Variants in WDR4 observed in about 807,000 individuals in gnomAD.
WDR4 encodes the protein WDR4 tRNA N7-guanosine methyltransferase non-catalytic subunit.
In WDR4, 47 loss-of-function variants were observed where a neutral mutation model predicts 48.6. The ratio of observed to expected loss-of-function variants is 0.97; its 90% CI spans 0.77 to 1.23. WDR4 has a LOEUF of 1.23. Ranked by LOEUF, WDR4 falls within the 50% of genes most tolerant of loss-of-function variation. WDR4 has a pLI of 0.00. For synonymous variants in WDR4, 268 were observed against 230.0 expected (o/e 1.17, Z -1.49); for missense variants, 606 against 551.6 (o/e 1.10, Z -0.99).
intron 6 of WDR4, 81 bp downstream of exon 6, chr21:42,859,581 G>T: frequency 7.2e-7 from 1 of 1,379,536 alleles, no homozygotes; most frequent in Non-Finnish European, 1.0e-6. Flanking sequence ...ATCCACAGGG[G>T]CCAGGTCCAG....
At chr21:42,892,036 G>A in the WDR4 span, among the ~76,000 whole-genome samples, 1 of 151,132 alleles carries the variant, frequency 6.6e-6, no homozygotes, top group African/African-American at 2.4e-5. Context: ...GGTGGATCAC[G>A]AGGTCAGGAG....
At chr21:42,843,153 A>C (rs1159579917) in exon 12 of WDR4, 1 of 152,228 alleles carries the variant, frequency 6.6e-6, no homozygotes, top group African/African-American at 2.4e-5. Context: ...CCATAAGCAG[A>C]GGACAAATCA....
chr21:42,878,631 G>A (rs1245139382), intron 1 of WDR4, among the ~76,000 whole-genome samples: 1 of 152,208 alleles, frequency 6.6e-6, no homozygotes, highest in African/African-American at 2.4e-5. Flanking sequence ...ACGAGGGGCT[G>A]AAACTGACAG....
At chr21:42,878,447 T>C (rs1423356157) in intron 1 of WDR4, among the ~76,000 whole-genome samples, 1 of 152,112 alleles carries the variant, frequency 6.6e-6, no homozygotes, top group African/African-American at 2.4e-5. Flanking sequence ...AGACCGTGAG[T>C]CTCTAAAACA....
intron 3 of WDR4, among the ~76,000 whole-genome samples, chr21:42,869,010 G>C (rs185313839): frequency 3.3e-5 from 5 of 151,404 alleles, no homozygotes; most frequent in Admixed American, 2.6e-4. Context: ...CTGCCCTGGC[G>C]GGGGGGAACA....
At chr21:42,877,316 G>A (rs532090720) in intron 1 of WDR4, among the ~76,000 whole-genome samples, 3 of 150,630 alleles carry the variant, frequency 2.0e-5, no homozygotes, top group Non-Finnish European at 4.4e-5. Flanking sequence ...GCTAATTTTT[G>A]TAGTTTTGGT....
At chr21:42,869,726 T>C (rs1026774430) in intron 3 of WDR4, among the ~76,000 whole-genome samples, 25 of 152,178 alleles carry the variant, frequency 1.6e-4, no homozygotes, top group South Asian at 2.1e-4. Flanking sequence ...GTTGCTCTTC[T>C]GGCCAGGCGC....
intron 7 of WDR4, 94 bp downstream of exon 7, chr21:42,855,588 C>T (rs772362634): frequency 3.1e-5 from 30 of 960,204 alleles, no homozygotes; most frequent in African/African-American, 2.0e-4. Flanking sequence ...TGAGAGCAAA[C>T]GTTTCCAACG....
intron 8 of WDR4, 51 bp from the exon 9 acceptor site, chr21:42,853,803 TC>T: frequency 6.6e-7 from 1 of 1,513,328 alleles, no homozygotes; most frequent in Non-Finnish European, 8.9e-7. Context: ...GCCCACGGGC[TC>T]CGCTCTGCAG....
intron 3 of WDR4, among the ~76,000 whole-genome samples, chr21:42,872,610 C>G (rs1191450056): frequency 1.3e-5 from 1 of 78,606 alleles, no homozygotes; most frequent in Non-Finnish European, 2.6e-5. Context: ...GACCCTTCTC[C>G]AAAAAAAAAA....
At chr21:42,863,936 T>G in intron 3 of WDR4, among the ~76,000 whole-genome samples, 1 of 92,392 alleles carries the variant, frequency 1.1e-5, no homozygotes, top group African/African-American at 7.1e-5. Context: ...GAAAACCCCG[T>G]CTCTACTAAA....
Position 42,852,253 on chromosome 21 carries a change from AC to A in WDR4, c.1045+1del. The A allele has an allele frequency of 6.2e-7, 1 of 1,613,992 alleles. No individual in the cohort carries two copies. The highest frequency in any genetic ancestry group is 8.5e-7 in the Non-Finnish European group (1 of 1,179,954). ...AAGGGCAGCCTGCACCCGTGCTCTC[AC>A]CTTCCAGCATGGCCCAGTTCCCACG... On this transcript the variant is annotated splice_donor_variant, in intron 10 of 10. Coordinates refer to ENST00000398208, the MANE Select transcript of WDR4 (RefSeq NM_018669.6). LOFTEE classifies it high-confidence loss of function.
chr21:42,874,650 C>T (rs6586256), intron 2 of WDR4, among the ~76,000 whole-genome samples: 88,778 of 150,966 alleles, frequency 0.59, 26,646 homozygotes, highest in African/African-American at 0.67. Context: ...ATCTTCTGGT[C>T]GAGACTGTAG....
At chr21:42,875,581 G>T (rs2058471474) in intron 2 of WDR4, among the ~76,000 whole-genome samples, 1 of 152,244 alleles carries the variant, frequency 6.6e-6, no homozygotes, top group East Asian at 1.9e-4. Context: ...GTTGGCATGT[G>T]CCTGTAGTCC....
chr21:42,873,682 C>T lies in WDR4; in HGVS notation c.165G>A (p.Ala55=), dbSNP rs750161433. 15 of 1,613,564 alleles carry T rather than the reference C, an allele frequency of 9.3e-6. No individual in the cohort carries two copies. The highest frequency in any genetic ancestry group is 1.6e-4 in the Middle Eastern group (1 of 6,078). Residue 55 remains alanine, a synonymous_variant, in exon 3 of 11, where the codon GCG becomes GCA. Coordinates refer to ENST00000398208, the MANE Select transcript of WDR4 (RefSeq NM_018669.6). ...TCGCACCGCTCCCCTGGTCCAAGGG[C>T]GCGTCCTCCCTGAGGAAGAGAGGAG... ...KKSQENKGED[A]PLDQGSGAIL...
At chr21:42,878,958 T>C (rs772812705) in intron 1 of WDR4, 23 of 991,686 alleles carry the variant, frequency 2.3e-5, no homozygotes, top group Non-Finnish European at 2.6e-5. Flanking sequence ...TGGAGGTCAG[T>C]GAGCTCGCAG....
At chr21:42,889,509 C>T in the WDR4 span, among the ~76,000 whole-genome samples, 1 of 152,164 alleles carries the variant, frequency 6.6e-6, no homozygotes, top group African/African-American at 2.4e-5. Context: ...CAGCCCACTC[C>T]CAAGTGTTCT....
At chr21:42,865,772 C>G (rs2058232085) in intron 3 of WDR4, among the ~76,000 whole-genome samples, 1 of 152,078 alleles carries the variant, frequency 6.6e-6, no homozygotes, top group Non-Finnish European at 1.5e-5. Context: ...TCTCAGCACT[C>G]CCTCCACAGT....
intron 7 of WDR4, among the ~76,000 whole-genome samples, chr21:42,855,065 G>A (rs1272055643): frequency 6.6e-6 from 1 of 151,926 alleles, no homozygotes; most frequent in Non-Finnish European, 1.5e-5. Context: ...CTGAGGCGGA[G>A]GTTGCTGTGA....
Sources: allele counts gnomAD v4.1 joint callset (sites outside exome capture counted in the v4.1 genomes callset), GRCh38; gene constraint gnomAD v4.1.1; transcripts MANE v1.5; gene names NCBI Gene and HGNC (gene_info 2026-07-23, HGNC 2026-07-21).